Variants in CYP20A1 observed in about 807,000 individuals in gnomAD.
The protein encoded by CYP20A1 is cytochrome P450 20A1.
A neutral mutation model predicts 61.4 loss-of-function variants in CYP20A1; 61 were observed. That is an observed-to-expected ratio of 0.99 (90% CI 0.81 to 1.23). The LOEUF (loss-of-function observed/expected upper bound fraction) is 1.23. Ranked by LOEUF, CYP20A1 falls within the 50% of genes most tolerant of loss-of-function variation. The probability of loss-of-function intolerance (pLI) is 0.00; values close to 1 mark genes in which losing one functional copy is unlikely to be tolerated. For synonymous variants in CYP20A1, 193 were observed against 188.2 expected (o/e 1.03, Z -0.21); for missense variants, 530 against 542.4 (o/e 0.98, Z 0.23).
chr2:203,295,638 G>T (rs1174250238), intron 11 of CYP20A1, among the ~76,000 whole-genome samples: 4 of 152,068 alleles, frequency 2.6e-5, no homozygotes, highest in African/African-American at 9.7e-5. Flanking sequence ...AATATATTTT[G>T]CATCTATCAT....
chr2:203,285,595 TATA>T lies in CYP20A1; in HGVS notation c.851-14_851-12del, dbSNP rs2068231099. 1.3e-6 allele frequency: 2 copies of T among 1,546,604 alleles called. No homozygotes were observed. Among genetic ancestry groups the T allele is most frequent in the Non-Finnish European group, 1.7e-6 (2 of 1,156,248 alleles). On this transcript the variant is annotated splice_polypyrimidine_tract_variant and intron_variant, in intron 8 of 12. Coordinates refer to ENST00000356079, the MANE Select transcript of CYP20A1 (RefSeq NM_177538.3). ...AGTTAGCTATTTTCATTGTTATTCA[TATA>T]ATGTTTGACCTAGTGTGTACCTGGG... is the stretch of plus-strand genomic sequence containing the variant.
At chr2:203,266,748 C>CAA in intron 5 of CYP20A1, 67 bp downstream of exon 5, 1 of 1,380,058 alleles carries the variant, frequency 7.2e-7, no homozygotes, top group Non-Finnish European at 1.0e-6. Flanking sequence ...CCTGTAATCC[C>CAA]AGCACTTTGG....
At chr2:203,281,484 G>A in intron 8 of CYP20A1, among the ~76,000 whole-genome samples, 1 of 152,102 alleles carries the variant, frequency 6.6e-6, no homozygotes, top group Non-Finnish European at 1.5e-5. Flanking sequence ...ACTGCAGCCT[G>A]GGTGACAGAG....
chr2:203,282,341 T>A lies in CYP20A1; in HGVS notation c.850+2228T>A, dbSNP rs139480732. On this transcript the variant is annotated intron_variant, in intron 8 of 12. Transcript: ENST00000356079. ...CGTCCTGCCTTATTCAACCTTTTTT[T>A]AAAAATGCCTATTTGTTTGGTCCAG... is the stretch of plus-strand genomic sequence containing the variant. 5.8e-3 allele frequency among the ~76,000 whole-genome samples: 889 copies of A among 152,128 alleles called. 5 individuals are homozygous for A. Among genetic ancestry groups the A allele is most frequent in the Non-Finnish European group, 9.7e-3 (659 of 68,000 alleles).
intron 6 of CYP20A1, among the ~76,000 whole-genome samples, chr2:203,274,673 G>A (rs1380300509): frequency 6.6e-6 from 1 of 151,574 alleles, no homozygotes; most frequent in Non-Finnish European, 1.5e-5. Context: ...CTGTGCACAG[G>A]AGACAAAAAT....
chr2:203,261,823 C>T (rs996599785), intron 4 of CYP20A1, among the ~76,000 whole-genome samples: 3 of 151,658 alleles, frequency 2.0e-5, no homozygotes, highest in African/African-American at 4.8e-5. Context: ...GAAATTTGTC[C>T]TCTAGTATGC....
intron 4 of CYP20A1, among the ~76,000 whole-genome samples, chr2:203,263,613 T>C (rs1028728514): frequency 6.6e-6 from 1 of 152,174 alleles, no homozygotes; most frequent in African/African-American, 2.4e-5. Context: ...ATGTGCTATA[T>C]TTCCATTATC....
intron 10 of CYP20A1, among the ~76,000 whole-genome samples, chr2:203,290,735 C>T (rs1187751351): frequency 3.3e-5 from 5 of 152,056 alleles, no homozygotes; most frequent in East Asian, 1.9e-4. Flanking sequence ...CTCCGCCTCC[C>T]GAGTTCAAGT....
intron 8 of CYP20A1, among the ~76,000 whole-genome samples, chr2:203,284,097 A>G (rs953930585): frequency 5.3e-5 from 8 of 152,162 alleles, no homozygotes; most frequent in Non-Finnish European, 8.8e-5. Flanking sequence ...GTTTTTTGTG[A>G]ACTCTAGATA....
chr2:203,297,968 G>GA lies in CYP20A1; in HGVS notation c.*1061dup, dbSNP rs2068879667. 1 of 152,156 alleles carries GA rather than the reference G, an allele frequency of 6.6e-6. No individual in the cohort carries two copies. Among genetic ancestry groups the GA allele is most frequent in the African/African-American group, 2.4e-5 (1 of 41,388 alleles). 9.4% of individuals were successfully genotyped at this position (152,156 alleles called of 1,614,324 possible). A position where few individuals can be genotyped will look rare whatever the true frequency, so the allele number is the denominator to read the frequency against. On this transcript the variant is annotated 3_prime_UTR_variant, in exon 13 of 13. Transcript: ENST00000356079. ...CCCCTGCACTCCAGCCTGGGCCACAGAGCAAGACTCTGTCTCAAGAAAAAC... is the reference window on the plus strand; with the variant it reads ...CCCCTGCACTCCAGCCTGGGCCACAGAAGCAAGACTCTGTCTCAAGAAAAAC...
intron 1 of CYP20A1, among the ~76,000 whole-genome samples, chr2:203,244,617 G>GT (rs2066385264): frequency 1.3e-5 from 2 of 150,646 alleles, no homozygotes; most frequent in African/African-American, 4.9e-5. Context: ...TCACAACAAA[G>GT]AAAACGACGA....
At chr2:203,253,484 T>C (rs895782035) in intron 4 of CYP20A1, among the ~76,000 whole-genome samples, 11 of 152,188 alleles carry the variant, frequency 7.2e-5, no homozygotes, top group African/African-American at 2.7e-4. Flanking sequence ...GAGACTGATA[T>C]GGAGAACAGG....
At position 203,302,552 on chromosome 2, in the gene CYP20A1, T is replaced by TA. The variant is rs1194131851; in HGVS notation, c.*5645dup. On this transcript the variant is annotated 3_prime_UTR_variant, in exon 13 of 13. Transcript: ENST00000356079. ...CTGTCTCAAAAGATTCTAATATAGA[T>TA]ACTCTTTTTATGCATATGTAATTTA... 1.3e-5 allele frequency among the ~76,000 whole-genome samples: 2 copies of TA among 152,180 alleles called. No homozygotes were observed. The highest frequency in any genetic ancestry group is 2.9e-5 in the Non-Finnish European group (2 of 68,040).
At chr2:203,295,236 C>T (rs893075379) in intron 11 of CYP20A1, among the ~76,000 whole-genome samples, 73 of 151,658 alleles carry the variant, frequency 4.8e-4, no homozygotes, top group African/African-American at 1.3e-3. Flanking sequence ...TGAGCCACCG[C>T]GCCTGGCCAA....
In CYP20A1 at chr2:203,303,781, C is replaced by T. The variant is rs1051629734; in HGVS notation, c.*6873C>T. 6.8e-6 allele frequency among the ~76,000 whole-genome samples: 1 copy of T among 146,704 alleles called. No homozygotes were observed. Among genetic ancestry groups the T allele is most frequent in the Non-Finnish European group, 1.5e-5 (1 of 67,432 alleles). On this transcript the variant is annotated 3_prime_UTR_variant, in exon 13 of 13. Transcript: ENST00000356079. ...ATCCCAGCTTCTTGGGAGGCTGAGG[C>T]ATGAGAAAAAAAATAAACCTGGGAG...
chr2:203,271,083 T>TATATATA (rs1491142784), intron 5 of CYP20A1, among the ~76,000 whole-genome samples: 1 of 38,788 alleles, frequency 2.6e-5, no homozygotes, highest in Non-Finnish European at 4.9e-5. Context: ...TATATATATA[T>TATATATA]TTTTTTTTTT....
At chr2:203,255,780 G>T in intron 4 of CYP20A1, among the ~76,000 whole-genome samples, 1 of 152,092 alleles carries the variant, frequency 6.6e-6, no homozygotes, top group East Asian at 1.9e-4. Flanking sequence ...TAAGTCTTCA[G>T]ATGTACCCTG....
In CYP20A1 at chr2:203,301,013, A is replaced by G. The variant is rs920427337; in HGVS notation, c.*4105A>G. Among the ~76,000 whole-genome samples the G allele has an allele frequency of 6.6e-6, 1 of 151,828 alleles. No individual in the cohort carries two copies. Among genetic ancestry groups the G allele is most frequent in the Non-Finnish European group, 1.5e-5 (1 of 67,950 alleles). ...GGAGTTCAAGACCAGCCTGACCAAC[A>G]TGGAGAAACTTCATCTCTACTAAAA... On this transcript the variant is annotated 3_prime_UTR_variant, in exon 13 of 13. Transcript: ENST00000356079.
In CYP20A1 at chr2:203,270,168, G is replaced by A. The variant is rs987444297; in HGVS notation, c.601-2502G>A. 7.2e-5 allele frequency among the ~76,000 whole-genome samples: 11 copies of A among 152,254 alleles called. No homozygotes were observed. In the South Asian group the frequency reaches 1.9e-3, roughly 26 times the overall value. On this transcript the variant is annotated intron_variant, in intron 5 of 12. Transcript: ENST00000356079. ...CCAACTGCTTGTGAGGCTGAGGCCA[G>A]AGGATTGCTTGAGCCCAGAAGGTGG...
Sources: gnomAD v4.1 joint callset for allele counts (sites outside exome capture counted in the v4.1 genomes callset) on GRCh38, gnomAD v4.1.1 for gene constraint, MANE v1.5 for transcripts, NCBI Gene and HGNC (gene_info 2026-07-23, HGNC 2026-07-21) for gene names.